Variants in DDX1 observed in about 807,000 individuals in gnomAD.
DDX1 encodes the protein DEAD-box helicase 1.
DDX1 carries 28 observed loss-of-function variants against 108.7 expected under a neutral mutation model. That is an observed-to-expected ratio of 0.26 (90% confidence interval 0.19 to 0.35). DDX1 has a LOEUF of 0.35. DDX1 is among the 10% of genes least tolerant of loss of function. DDX1 has a pLI of 1.00. For missense variants in DDX1, 710 were observed against 884.5 expected, an observed-to-expected ratio of 0.80 and a Z score of 2.50; for synonymous variants, 295 against 288.9, an observed-to-expected ratio of 1.02 and a Z score of -0.21.
At chr2:15,602,476 G>A in intron 6 of DDX1, 72 bp from the exon 7 acceptor site, 2 of 1,049,528 alleles carry the variant, frequency 1.9e-6, no homozygotes, top group Non-Finnish European at 3.0e-6. Flanking sequence ...TTTTTTGGTG[G>A]TAGGGGGTGG....
At chr2:15,621,213 A>G in intron 18 of DDX1, 97 bp downstream of exon 18, 1 of 824,010 alleles carries the variant, frequency 1.2e-6, no homozygotes, top group South Asian at 1.6e-5. Context: ...GCAAAATTAA[A>G]ACAGGAAATT....
intron 5 of DDX1, among the ~76,000 whole-genome samples, 188 bp from the exon 6 acceptor site, chr2:15,599,481 A>ATT (rs202201418): frequency 7.0e-6 from 1 of 142,242 alleles, no homozygotes; most frequent in Admixed American, 7.0e-5. Context: ...TAATTTTTGT[A>ATT]TTTTTTTTTT....
chr2:15,618,292 C>A, intron 16 of DDX1, 22 bp downstream of exon 16: 4 of 1,188,200 alleles, frequency 3.4e-6, no homozygotes, highest in Non-Finnish European at 5.0e-6. Flanking sequence ...ATCAATGCAT[C>A]TTAAAATGCA....
At chr2:15,608,500 C>T (rs1665702140) in intron 13 of DDX1, among the ~76,000 whole-genome samples, 1 of 150,494 alleles carries the variant, frequency 6.6e-6, no homozygotes, top group Non-Finnish European at 1.5e-5. Flanking sequence ...TGCACTCCAG[C>T]CTGGGCAACA....
In DDX1 at chr2:15,607,365, T is replaced by A. The variant is rs747610576; in HGVS notation, c.956+52T>A. ...CTTATTGTCTTTTGGTTTGAAGTTT[T>A]TTGGAAGAAGAATAAGGTAGAGAAA... On this transcript the variant is annotated intron_variant, in intron 13 of 25. Coordinates refer to ENST00000233084, the MANE Select transcript of DDX1 (RefSeq NM_004939.3). The A allele has an allele frequency of 2.6e-6, 4 of 1,559,978 alleles. No homozygotes were observed. In the East Asian group the frequency reaches 6.8e-5, roughly 26 times the overall value.
intron 10 of DDX1, among the ~76,000 whole-genome samples, chr2:15,604,723 T>C (rs924342163): frequency 8.5e-5 from 13 of 152,142 alleles, no homozygotes; most frequent in African/African-American, 3.1e-4. Flanking sequence ...GCTTACACAC[T>C]AGTGGTGAAA....
intron 6 of DDX1, 129 bp downstream of exon 6, chr2:15,599,845 A>G (rs1665561072): frequency 1.6e-6 from 1 of 608,164 alleles, no homozygotes; most frequent in Non-Finnish European, 2.9e-6. Flanking sequence ...CTATCATTAA[A>G]CAGTATAGAA....
chr2:15,608,925 T>A (rs919474591), intron 13 of DDX1, among the ~76,000 whole-genome samples: 12 of 152,022 alleles, frequency 7.9e-5, no homozygotes, highest in Non-Finnish European at 1.8e-4. Flanking sequence ...ATTACTAATT[T>A]TGTTTTGAAG....
At chr2:15,618,837 T>C (rs1443040448) in intron 16 of DDX1, among the ~76,000 whole-genome samples, 1 of 152,170 alleles carries the variant, frequency 6.6e-6, no homozygotes, top group Non-Finnish European at 1.5e-5. Flanking sequence ...AAAGTGGCAG[T>C]GGGTTGGTGT....
intron 12 of DDX1, 91 bp from the exon 13 acceptor site, chr2:15,607,084 G>A (rs1665673999): frequency 2.6e-6 from 3 of 1,164,874 alleles, no homozygotes; most frequent in East Asian, 2.4e-5. Flanking sequence ...TATGTAAAAT[G>A]TTGATATTAG....
At position 15,597,928 on chromosome 2, in the gene DDX1, T is replaced by C. The variant is rs573830075; in HGVS notation, c.259+457T>C. Among the ~76,000 whole-genome samples the C allele has an allele frequency of 2.6e-5, 4 of 152,162 alleles. No individual in the cohort carries two copies. In the East Asian group the frequency reaches 7.7e-4, roughly 29 times the overall value. On this transcript the variant is annotated intron_variant, in intron 5 of 25. Transcript: ENST00000233084. ...GGGAACCACCTAGGAAGTTAAAATA[T>C]AAATTTTAAAGTTGTTTCTTATGTG...
intron 8 of DDX1, among the ~76,000 whole-genome samples, 157 bp from the exon 9 acceptor site, chr2:15,603,657 G>A (rs1040874383): frequency 6.6e-6 from 1 of 152,152 alleles, no homozygotes; most frequent in Non-Finnish European, 1.5e-5. Context: ...TGTGGCCTAA[G>A]CACTGTTTAG....
chr2:15,617,379 A>G (rs1287273097), intron 15 of DDX1, 37 bp downstream of exon 15: 1 of 1,312,740 alleles, frequency 7.6e-7, no homozygotes, highest in Non-Finnish European at 1.1e-6. Flanking sequence ...TAAAAAGTTT[A>G]CTTATATTTT....
At chr2:15,621,255 G>T in intron 18 of DDX1, 139 bp downstream of exon 18, 2 of 644,612 alleles carry the variant, frequency 3.1e-6, no homozygotes, top group Non-Finnish European at 5.5e-6. Context: ...TAATAAAAAA[G>T]AAATGGGGAA....
At chr2:15,612,791 G>T (rs1432985055) in intron 13 of DDX1, among the ~76,000 whole-genome samples, 1 of 152,234 alleles carries the variant, frequency 6.6e-6, no homozygotes, top group Non-Finnish European at 1.5e-5. Flanking sequence ...GATCACTCGC[G>T]GTTAGGAGCT....
chr2:15,596,714 A>G lies in DDX1; in HGVS notation c.133-20A>G, dbSNP rs770095036. 3.1e-6 allele frequency: 5 copies of G among 1,609,328 alleles called. No individual in the cohort carries two copies. In the African/African-American group the frequency reaches 4.0e-5, roughly 13 times the overall value. Reference sequence around the variant, plus strand: ...ATAGACAACTTAATCTGTAAAATCAACTTTTTTCCCCTCATTCAGGCTGCA... The same window carrying G: ...ATAGACAACTTAATCTGTAAAATCAGCTTTTTTCCCCTCATTCAGGCTGCA... On this transcript the variant is annotated intron_variant, in intron 3 of 25. Coordinates refer to ENST00000233084, the MANE Select transcript of DDX1 (RefSeq NM_004939.3).
At chr2:15,602,783 G>A (rs1486658657) in intron 7 of DDX1, 152 bp downstream of exon 7, 7 of 593,010 alleles carry the variant, frequency 1.2e-5, no homozygotes, top group Non-Finnish European at 1.8e-5. Context: ...GTGCCATCTC[G>A]GCTCACTGCA....
At chr2:15,595,440 G>C in intron 2 of DDX1, 50 bp from the exon 3 acceptor site, 1 of 1,475,942 alleles carries the variant, frequency 6.8e-7, no homozygotes, top group Non-Finnish European at 9.5e-7. Flanking sequence ...AATTTGCTTA[G>C]GCGATTTTTT....
Position 15,623,386 on chromosome 2 carries a change from A to G in DDX1, c.1448-50A>G, listed in dbSNP as rs768259202. ...GACTATAATTATGTGTATTCATGAC[A>G]AGTTCAGATTGAAATTCTGTTGGTT... On this transcript the variant is annotated intron_variant, in intron 18 of 25. Transcript: ENST00000233084. 4.4e-6 allele frequency: 7 copies of G among 1,588,924 alleles called. No individual in the cohort carries two copies. In the Admixed American group the frequency reaches 1.2e-4, roughly 27 times the overall value.
Sources: gnomAD v4.1 joint callset for allele counts (sites outside exome capture counted in the v4.1 genomes callset) on GRCh38, gnomAD v4.1.1 for gene constraint, MANE v1.5 for transcripts, NCBI Gene and HGNC (gene_info 2026-07-23, HGNC 2026-07-21) for gene names.